NCMAP: variants seen among roughly 807,000 people sequenced by gnomAD.
NCMAP encodes the protein non-compact myelin associated protein.
A neutral mutation model predicts 7.8 loss-of-function variants in NCMAP; 8 were observed. That is an observed-to-expected ratio of 1.02 (90% confidence interval 0.60 to 1.84). The LOEUF (loss-of-function observed/expected upper bound fraction) is 1.84, where lower values mean the gene tolerates loss of function less well. Ranked by LOEUF, NCMAP falls within the 40% of genes most tolerant of loss-of-function variation. NCMAP has a pLI of 0.00. For synonymous variants in NCMAP, 41 were observed against 52.9 expected (o/e 0.78, Z 0.98); for missense variants, 112 against 131.4 (o/e 0.85, Z 0.72).
intron 1 of NCMAP, among the ~76,000 whole-genome samples, chr1:24,569,025 T>TC (rs1651309893): frequency 3.0e-5 from 4 of 132,768 alleles, no homozygotes; most frequent in African/African-American, 1.1e-4. Context: ...TGTTTTGTTT[T>TC]GTTTTTTTTT....
At chr1:24,605,547 C>T in intron 3 of NCMAP, 59 bp from the exon 4 acceptor site, 1 of 1,577,232 alleles carries the variant, frequency 6.3e-7, no homozygotes, top group East Asian at 2.3e-5. Context: ...GTCGCAGAGC[C>T]CATTCCCCGC....
chr1:24,600,389 A>G (rs549322409), intron 2 of NCMAP, among the ~76,000 whole-genome samples: 1 of 152,260 alleles, frequency 6.6e-6, no homozygotes, highest in South Asian at 2.1e-4. Context: ...CCTGGGCTCA[A>G]GTGATCCTCC....
chr1:24,589,884 G>T (rs1241032853), intron 1 of NCMAP, among the ~76,000 whole-genome samples: 4 of 152,086 alleles, frequency 2.6e-5, no homozygotes, highest in Non-Finnish European at 4.4e-5. Flanking sequence ...GCGCAATGGT[G>T]AGATCTCAGC....
chr1:24,559,685 C>G (rs979265905), intron 1 of NCMAP, among the ~76,000 whole-genome samples: 1 of 152,168 alleles, frequency 6.6e-6, no homozygotes, highest in African/African-American at 2.4e-5. Context: ...CTGTGGGGGC[C>G]CTTGCGGGGC....
intron 2 of NCMAP, among the ~76,000 whole-genome samples, chr1:24,600,202 G>T (rs1167414032): frequency 6.6e-6 from 1 of 151,916 alleles, no homozygotes; most frequent in African/African-American, 2.4e-5. Flanking sequence ...CCAGGCTGGA[G>T]TGCAGTGGCA....
intron 2 of NCMAP, among the ~76,000 whole-genome samples, chr1:24,599,837 C>G (rs202099373): frequency 2.6e-4 from 16 of 60,482 alleles, no homozygotes; most frequent in East Asian, 9.3e-4. Context: ...CCCCCCCCCC[C>G]CCTTGGCCTC....
intron 1 of NCMAP, among the ~76,000 whole-genome samples, chr1:24,589,158 A>AAAGCACC (rs1457460964): frequency 6.6e-6 from 1 of 152,120 alleles, no homozygotes; most frequent in African/African-American, 2.4e-5. Context: ...TCTCCAACAT[A>AAAGCACC]AAGCACCGAG....
At chr1:24,563,394 G>T (rs1318853357) in intron 1 of NCMAP, among the ~76,000 whole-genome samples, 1 of 152,134 alleles carries the variant, frequency 6.6e-6, no homozygotes, top group East Asian at 1.9e-4. Flanking sequence ...GGTGGTGCAT[G>T]CCTGTAATCC....
chr1:24,604,872 T>C (rs111779963), intron 3 of NCMAP, among the ~76,000 whole-genome samples: 4,100 of 150,810 alleles, frequency 0.027, 82 homozygotes, highest in Non-Finnish European at 0.043. Context: ...CACAGCACTT[T>C]GGGAGGCCGA....
intron 1 of NCMAP, among the ~76,000 whole-genome samples, chr1:24,566,459 C>T (rs1651230869): frequency 6.6e-6 from 1 of 152,122 alleles, no homozygotes; most frequent in African/African-American, 2.4e-5. Context: ...AGCTGGGAAG[C>T]ACTGGTGGGT....
chr1:24,598,182 A>G (rs1056279615), intron 2 of NCMAP, among the ~76,000 whole-genome samples: 3 of 152,204 alleles, frequency 2.0e-5, no homozygotes, highest in Non-Finnish European at 4.4e-5. Context: ...CTTCCCTTCC[A>G]GTGTTTCTTC....
At chr1:24,574,129 T>C (rs1271478863) in intron 1 of NCMAP, among the ~76,000 whole-genome samples, 1 of 34,558 alleles carries the variant, frequency 2.9e-5, no homozygotes, top group African/African-American at 8.2e-5. Context: ...CTGAGAGGGG[T>C]TTTTTTTTTT....
At chr1:24,595,736 G>A (rs377763233) in intron 2 of NCMAP, among the ~76,000 whole-genome samples, 1 of 151,762 alleles carries the variant, frequency 6.6e-6, no homozygotes, top group Admixed American at 6.6e-5. Flanking sequence ...GGACAGAACC[G>A]CTATTTCTGT....
chr1:24,583,969 G>T (rs922106310), intron 1 of NCMAP, among the ~76,000 whole-genome samples: 1 of 152,142 alleles, frequency 6.6e-6, no homozygotes, highest in Non-Finnish European at 1.5e-5. Flanking sequence ...GACCTGCCTC[G>T]CTGTGTGGAT....
chr1:24,583,783 T>TC, intron 1 of NCMAP, among the ~76,000 whole-genome samples: 1 of 148,260 alleles, frequency 6.7e-6, no homozygotes, highest in South Asian at 2.2e-4. Flanking sequence ...TCACTGACCA[T>TC]CAGAGTGTCC....
chr1:24,597,639 GAAA>G (rs1557602570), intron 2 of NCMAP, among the ~76,000 whole-genome samples: 6 of 117,646 alleles, frequency 5.1e-5, no homozygotes, highest in Non-Finnish European at 1.7e-5. Flanking sequence ...AAGAAAGAAA[GAAA>G]GAAAGAAAGA....
chr1:24,577,426 TTTTTTG>T (rs1651617193), intron 1 of NCMAP, among the ~76,000 whole-genome samples: 2 of 145,190 alleles, frequency 1.4e-5, no homozygotes, highest in South Asian at 2.2e-4. Context: ...TTTTTTTTTT[TTTTTTG>T]GTTTTTTTGT....
chr1:24,601,909 C>T (rs1652507894), intron 3 of NCMAP, among the ~76,000 whole-genome samples: 2 of 151,944 alleles, frequency 1.3e-5, no homozygotes, highest in African/African-American at 2.4e-5. Context: ...GGTGTGGCGG[C>T]GTGCGCCTGT....
chr1:24,557,970 T>C lies in NCMAP; in HGVS notation c.-8+1801T>C, dbSNP rs188409337. Among the ~76,000 whole-genome samples the C allele has an allele frequency of 5.6e-4, 85 of 152,306 alleles. 1 individual carries two copies. The East Asian group carries it at 0.014, about 25-fold the overall frequency. On this transcript the variant is annotated intron_variant, in intron 1 of 3. Transcript: ENST00000374392. ...GGGCTCCGTAGCACCATGTGGACTA[T>C]GGCCATTCCTGCCTGAAGTCAGGAA... is the stretch of plus-strand genomic sequence containing the variant.
Sources: gnomAD v4.1 joint callset for allele counts (sites outside exome capture counted in the v4.1 genomes callset) on GRCh38, gnomAD v4.1.1 for gene constraint, MANE v1.5 for transcripts, NCBI Gene and HGNC (gene_info 2026-07-23, HGNC 2026-07-21) for gene names.